The following DLGAP3 variants were observed in gnomAD, a reference collection of about 807,000 sequenced individuals.
The protein encoded by DLGAP3 is DLG associated protein 3.
Under a neutral mutation model 81.2 loss-of-function variants are expected in DLGAP3, and 17 were observed. The ratio of observed to expected loss-of-function variants is 0.21; its 90% CI spans 0.14 to 0.31. DLGAP3 has a LOEUF of 0.31. DLGAP3 is among the 10% of genes least tolerant of loss of function. The probability of loss-of-function intolerance (pLI) is 1.00; values close to 1 mark genes in which losing one functional copy is unlikely to be tolerated. For synonymous variants in DLGAP3, 577 were observed against 587.4 expected (o/e 0.98, Z 0.26); for missense variants, 1,124 against 1,388.0 (o/e 0.81, Z 3.02).
rs775417791 is a variant in DLGAP3, at chr1:34,900,119, G to C, written c.1262C>G (p.Ala421Gly). 2 of 1,614,002 alleles carry C rather than the reference G, an allele frequency of 1.2e-6. No homozygotes were observed. The highest frequency in any genetic ancestry group is 3.3e-5 in the Admixed American group (2 of 60,030). Reference protein sequence around the residue: ...GSPKTSPKAVARRFTTRRSSS... With the variant: ...GSPKTSPKAVGRRFTTRRSSS... ...GGAGCGACGGGTGGTGAAGCGTCGG[G>C]CGACTGCTTTGGGAGATGTCTTGGG... is the stretch of plus-strand genomic sequence containing the variant. The change falls in exon 4 of 12, where the codon GCC (alanine) becomes GGC (glycine). Residue 421 changes from alanine to glycine, a missense_variant. Transcript: ENST00000373347. This position sits in a 1 kb window ranked among gnomAD's most constrained non-coding sequence, Gnocchi z 5.6.
chr1:34,876,496 G>C (rs150186064), intron 8 of DLGAP3, among the ~76,000 whole-genome samples: 1 of 152,218 alleles, frequency 6.6e-6, no homozygotes, highest in African/African-American at 2.4e-5. Context: ...GGCCAGGCGA[G>C]GCTGCTGGAA....
chr1:34,886,569 C>T (rs1159812828), intron 5 of DLGAP3, among the ~76,000 whole-genome samples: 1 of 139,076 alleles, frequency 7.2e-6, no homozygotes, highest in African/African-American at 2.6e-5. Context: ...GTCTGGCTGG[C>T]TGCACTCCAG....
chr1:34,903,475 C>G (rs145650725), intron 3 of DLGAP3, among the ~76,000 whole-genome samples: 19 of 152,346 alleles, frequency 1.2e-4, no homozygotes, highest in African/African-American at 4.6e-4. Context: ...TTGACTTTTT[C>G]TCCTAAAATT....
Position 34,902,759 on chromosome 1 carries a change from G to A in DLGAP3, c.1107+1518C>T, listed in dbSNP as rs1382893866. On this transcript the variant is annotated intron_variant, in intron 3 of 11. Transcript: ENST00000373347. This position sits in a 1 kb window ranked among gnomAD's most constrained non-coding sequence, Gnocchi z 4.4. ...GGGTTCCCATTCTAGCCACTGCAGA[G>A]CTCCTCTGCAGGACACTGTGAGGTG... 6.6e-6 allele frequency among the ~76,000 whole-genome samples: 1 copy of A among 152,162 alleles called. No homozygotes were observed. Among genetic ancestry groups the A allele is most frequent in the East Asian group, 1.9e-4 (1 of 5,184 alleles).
chr1:34,926,458 G>A (rs763236046), intron 1 of DLGAP3, among the ~76,000 whole-genome samples: 4 of 152,220 alleles, frequency 2.6e-5, no homozygotes, highest in African/African-American at 9.6e-5. Context: ...GAGGGGCAGG[G>A]TGGATAAAGA....
At chr1:34,885,447 G>C in intron 7 of DLGAP3, 31 bp downstream of exon 7, 1 of 1,602,312 alleles carries the variant, frequency 6.2e-7, no homozygotes, top group Non-Finnish European at 8.5e-7. Context: ...ACCAGGGTCA[G>C]AGCCCTCGTG....
Position 34,885,734 on chromosome 1 carries a change from C to A in DLGAP3, c.1658G>T (p.Arg553Leu). ...GCTGCTCTGGGCGGTGATGGAGATGCGGGGCGGGGCCTGGCTTCCCGGCGG... is the reference window on the plus strand; with the variant it reads ...GCTGCTCTGGGCGGTGATGGAGATGAGGGGCGGGGCCTGGCTTCCCGGCGG... ...PIPPGSQAPPRISITAQSSTD... is the reference protein window; with the variant it reads ...PIPPGSQAPPLISITAQSSTD... Residue 553 changes from arginine (R) to leucine (L), a missense_variant, in exon 7 of 12, where the codon CGC (arginine) becomes CTC (leucine). This residue lies in a region of DLGAP3 where 379 missense variants were observed against 455.7 expected (regional missense o/e 0.83). Transcript: ENST00000373347. 3 of 1,413,988 alleles carry A rather than the reference C, an allele frequency of 2.1e-6. No homozygotes were observed. Among genetic ancestry groups the A allele is most frequent in the South Asian group, 1.6e-5 (1 of 61,756 alleles). 87.6% of individuals were successfully genotyped at this position (1,413,988 alleles called of 1,614,324 possible).
rs1377676173 is a variant in DLGAP3, at chr1:34,865,489, C to T, written c.*594G>A. 6.2e-6 allele frequency: 1 copy of T among 161,756 alleles called. No individual in the cohort carries two copies. Among genetic ancestry groups the T allele is most frequent in the African/African-American group, 2.4e-5 (1 of 41,454 alleles). The allele number at this position is 161,756 out of a possible 1,614,324, so 10.0% of individuals were successfully genotyped here. A position where few individuals can be genotyped will look rare whatever the true frequency, so the allele number is the denominator to read the frequency against. On this transcript the variant is annotated 3_prime_UTR_variant, in exon 12 of 12. Coordinates refer to ENST00000373347, the MANE Select transcript of DLGAP3 (RefSeq NM_001080418.3). ...GATATTCAAGGGGATGTGGGAACAG[C>T]CACAGGTGTGGTGAGGGGAAGCCCC...
intron 6 of DLGAP3, 32 bp downstream of exon 6, chr1:34,886,040 G>A: frequency 1.3e-6 from 2 of 1,567,388 alleles, no homozygotes; most frequent in South Asian, 1.2e-5. Context: ...CTCCTGCCTA[G>A]GGCCGGGCCA....
rs746219123 is a variant in DLGAP3, at chr1:34,904,638, C to A, written c.746G>T (p.Gly249Val). 6.2e-7 allele frequency: 1 copy of A among 1,614,070 alleles called. No individual in the cohort carries two copies. The highest frequency in any genetic ancestry group is 1.3e-5 in the African/African-American group (1 of 74,926). The change falls in exon 3 of 12, where the codon GGG (glycine) becomes GTG (valine). Residue 249 changes from glycine to valine, a missense_variant. By Grantham distance (109) the Gly-to-Val change is moderately radical. Coordinates refer to ENST00000373347, the MANE Select transcript of DLGAP3 (RefSeq NM_001080418.3). The surrounding 1 kb of genome is among the most constrained non-coding windows in gnomAD (Gnocchi z 8.1). ...GGACTTGGCCTGGTGCCGCCCATCC[C>A]CCTTGCGGTCCTTGCTCTTGCTCCT... ...GKRSKSKDRKGDGRHQAKSTG... is the reference protein window; with the variant it reads ...GKRSKSKDRKVDGRHQAKSTG...
intron 5 of DLGAP3, among the ~76,000 whole-genome samples, chr1:34,896,682 G>C (rs1639385434): frequency 6.6e-6 from 1 of 152,006 alleles, no homozygotes; most frequent in Non-Finnish European, 1.5e-5. Context: ...GTCAGCTTCA[G>C]ACGTTAAGTC....
In DLGAP3 at chr1:34,896,262, AAAG is replaced by A. The variant is rs143389629; in HGVS notation, c.1386+3404_1386+3406del. Among the ~76,000 whole-genome samples, 690 of 152,296 alleles carry A rather than the reference AAAG, an allele frequency of 4.5e-3. 7 individuals carry two copies. The highest frequency in any genetic ancestry group is 0.016 in the African/African-American group (659 of 41,550). ...GAAAATAAATTTTTGTTGCCAAAAA[AAAG>A]AAGAACAAGAAGGGAAGAGGTCATC... On this transcript the variant is annotated intron_variant, in intron 5 of 11. Transcript: ENST00000373347.
chr1:34,885,764 G>T lies in DLGAP3; in HGVS notation c.1628C>A (p.Pro543His), dbSNP rs866901927. Residue 543 changes from proline to histidine, a missense_variant, in exon 7 of 12, where the codon CCC (proline) becomes CAC (histidine). By Grantham distance (77) the Pro-to-His change is moderately conservative. Coordinates refer to ENST00000373347, the MANE Select transcript of DLGAP3 (RefSeq NM_001080418.3). ...SSFNFRKAPP[P>H]IPPGSQAPPR... is the part of the protein sequence containing the mutation. ...CGGGGCCTGGCTTCCCGGCGGGATG[G>T]GGGGCGGGGCCTTTCTGAAGTTGAA... 2 of 1,411,286 alleles carry T rather than the reference G, an allele frequency of 1.4e-6. No homozygotes were observed. Among genetic ancestry groups the T allele is most frequent in the Non-Finnish European group, 1.8e-6 (2 of 1,091,284 alleles). The allele number at this position is 1,411,286 out of a possible 1,614,324, so 87.4% of individuals were successfully genotyped here. A position where few individuals can be genotyped will look rare whatever the true frequency, so the allele number is the denominator to read the frequency against.
intron 5 of DLGAP3, among the ~76,000 whole-genome samples, chr1:34,891,750 G>A (rs1254921978): frequency 1.3e-5 from 2 of 152,152 alleles, no homozygotes; most frequent in African/African-American, 4.8e-5. Flanking sequence ...AAAAATCTCT[G>A]GCTGAACACT....
At chr1:34,928,697 C>T (rs567174603) in intron 1 of DLGAP3, among the ~76,000 whole-genome samples, 1 of 149,464 alleles carries the variant, frequency 6.7e-6, no homozygotes, top group Non-Finnish European at 1.5e-5. Context: ...CAGATACACT[C>T]TCTCTCACAC....
At chr1:34,909,062 CA>C (rs1001457459) in intron 1 of DLGAP3, among the ~76,000 whole-genome samples, 3 of 152,236 alleles carry the variant, frequency 2.0e-5, no homozygotes, top group African/African-American at 7.2e-5. Flanking sequence ...ACTCACAGCA[CA>C]AAAGGCCACT....
intron 1 of DLGAP3, among the ~76,000 whole-genome samples, chr1:34,920,128 C>A (rs146505285): frequency 6.6e-6 from 1 of 152,266 alleles, no homozygotes; most frequent in East Asian, 1.9e-4. Context: ...GCAGCCATTC[C>A]CCTTCTCTCT....
At position 34,885,413 on chromosome 1, in the gene DLGAP3, A is replaced by G. The variant is rs1639204853; in HGVS notation, c.1914+65T>C. 6 of 1,542,058 alleles carry G rather than the reference A, an allele frequency of 3.9e-6. No individual in the cohort carries two copies. In the Admixed American group the frequency reaches 1.0e-4, roughly 27 times the overall value. On this transcript the variant is annotated intron_variant, in intron 7 of 11. Transcript: ENST00000373347. ...TCGATATATCCAGAAGGCCGCTTCC[A>G]GCCCCTCACCCCAGCCCCGACCGAC... is the stretch of plus-strand genomic sequence containing the variant.
Position 34,886,084 on chromosome 1 carries a change from T to A in DLGAP3, c.1588A>T (p.Arg530Trp). 1 of 1,604,146 alleles carries A rather than the reference T, an allele frequency of 6.2e-7. No homozygotes were observed. Reference sequence around the variant, plus strand: ...AAGGTGTACTCACAGGAGCCGGGCCTCCCTGAGACAGCGGCAGGGGTAGCG... The same window carrying A: ...AAGGTGTACTCACAGGAGCCGGGCCACCCTGAGACAGCGGCAGGGGTAGCG... ...LLATPAAVSG[R>W]PGSSFNFRKA... Residue 530 changes from arginine (R) to tryptophan (W), a missense_variant, in exon 6 of 12, where the codon AGG (arginine) becomes TGG (tryptophan). Physicochemically the swap from Arg to Trp is moderately radical, Grantham distance 101. This residue lies in a region of DLGAP3 where 379 missense variants were observed against 455.7 expected (regional missense o/e 0.83). Coordinates refer to ENST00000373347, the MANE Select transcript of DLGAP3 (RefSeq NM_001080418.3).
Sources: allele counts gnomAD v4.1 joint callset (sites outside exome capture counted in the v4.1 genomes callset), GRCh38; gene constraint gnomAD v4.1.1; regional missense constraint gnomAD v4.1.1; non-coding constraint Gnocchi (gnomAD v3.1); transcripts MANE v1.5; gene names NCBI Gene and HGNC (gene_info 2026-07-23, HGNC 2026-07-21).